Variants in ADCK1 observed in about 807,000 individuals in gnomAD.
The protein encoded by ADCK1 is aarF domain-containing protein kinase 1.
ADCK1 carries 41 observed loss-of-function variants against 52.3 expected under a neutral mutation model. The observed-to-expected ratio is 0.78, with a 90% CI of 0.61 to 1.02. The LOEUF is 1.02. Among genes scored for constraint, ADCK1 ranks in the 50% least tolerant of loss-of-function variants. The probability of loss-of-function intolerance (pLI) is 0.00; values close to 1 mark genes in which losing one functional copy is unlikely to be tolerated. For missense variants in ADCK1, 658 were observed against 679.5 expected (o/e 0.97, Z 0.35); for synonymous variants, 250 against 274.6 (o/e 0.91, Z 0.89).
intron 3 of ADCK1, among the ~76,000 whole-genome samples, chr14:77,855,450 G>C (rs2140128679): frequency 6.6e-6 from 1 of 152,338 alleles, no homozygotes; most frequent in Non-Finnish European, 1.5e-5. Context: ...TGTAGCCTGA[G>C]ACACTCTGAA....
intron 3 of ADCK1, among the ~76,000 whole-genome samples, chr14:77,834,628 T>G (rs910706086): frequency 6.6e-6 from 1 of 152,246 alleles, no homozygotes; most frequent in African/African-American, 2.4e-5. Context: ...TTTTTGGTGG[T>G]ATGAGCCCGT....
intron 3 of ADCK1, among the ~76,000 whole-genome samples, chr14:77,831,663 C>T (rs2081852653): frequency 6.6e-6 from 1 of 152,128 alleles, no homozygotes; most frequent in Non-Finnish European, 1.5e-5. Flanking sequence ...CGGCTCACTG[C>T]AGCCTCGACC....
Position 77,925,859 on chromosome 14 carries a change from G to C in ADCK1, c.1104G>C (p.Leu368=). The C allele has an allele frequency of 6.2e-7, 1 of 1,614,232 alleles. No individual in the cohort carries two copies. The highest frequency in any genetic ancestry group is 1.3e-5 in the African/African-American group (1 of 75,066). Residue 368 remains leucine, a synonymous_variant, in exon 9 of 11, where the codon CTG becomes CTC. Transcript: ENST00000238561. ...MKRVKEYSQR[L]GAGDLYPLFA... ...GAGTGAAGGAGTACAGCCAGCGACTGGGAGCCGGGGATCTCTACCCCTTGT... is the reference window on the plus strand; with the variant it reads ...GAGTGAAGGAGTACAGCCAGCGACTCGGAGCCGGGGATCTCTACCCCTTGT...
At chr14:77,888,532 G>A (rs2083211913) in intron 5 of ADCK1, among the ~76,000 whole-genome samples, 1 of 152,088 alleles carries the variant, frequency 6.6e-6, no homozygotes, top group East Asian at 1.9e-4. Flanking sequence ...TGGATTGGAA[G>A]GCAGAAAGAC....
intron 3 of ADCK1, among the ~76,000 whole-genome samples, chr14:77,828,217 G>C (rs2081761821): frequency 6.6e-6 from 1 of 152,100 alleles, no homozygotes; most frequent in Non-Finnish European, 1.5e-5. Flanking sequence ...ACCTGCCTTG[G>C]CTTCCCAGAG....
At chr14:77,828,743 TCACA>T (rs2081774461) in intron 3 of ADCK1, among the ~76,000 whole-genome samples, 1 of 152,124 alleles carries the variant, frequency 6.6e-6, no homozygotes, top group Admixed American at 6.5e-5. Context: ...GTTAGGCTGG[TCACA>T]AACTCCTGAC....
intron 4 of ADCK1, among the ~76,000 whole-genome samples, chr14:77,867,691 G>A (rs918159587): frequency 6.6e-6 from 1 of 152,166 alleles, no homozygotes; most frequent in Non-Finnish European, 1.5e-5. Context: ...CATCTGGCCC[G>A]ACCTTCTCCC....
intron 3 of ADCK1, among the ~76,000 whole-genome samples, chr14:77,835,833 G>A (rs186813680): frequency 2.2e-4 from 33 of 152,144 alleles, no homozygotes; most frequent in African/African-American, 3.4e-4. Flanking sequence ...ACAAGGTTTC[G>A]CCATGTTACC....
rs1235124067 is a variant in ADCK1, at chr14:77,923,519, C to T, written c.859-938C>T. 1 of 152,222 alleles carries T rather than the reference C, an allele frequency of 6.6e-6. No individual in the cohort carries two copies. Among genetic ancestry groups the T allele is most frequent in the Admixed American group, 6.5e-5 (1 of 15,278 alleles). The allele number at this position is 152,222 out of a possible 1,614,324, so 9.4% of individuals were successfully genotyped here. ...CAATCCTGTGTTCCCCACCCGTGGG[C>T]CCCAGCTCCTCTCCCCTCTGACCAG... is the stretch of plus-strand genomic sequence containing the variant. On this transcript the variant is annotated intron_variant, in intron 7 of 10. Coordinates refer to ENST00000238561, the MANE Select transcript of ADCK1 (RefSeq NM_020421.4). This position sits in a 1 kb window ranked among gnomAD's most constrained non-coding sequence, Gnocchi z 4.3.
rs571523714 is a variant in ADCK1 at position 77,857,451 on chromosome 14, A to G, written c.220-1625A>G. On this transcript the variant is annotated intron_variant, in intron 3 of 10. Coordinates refer to ENST00000238561, the MANE Select transcript of ADCK1 (RefSeq NM_020421.4). ...CTAAATATAGTCATTCTCCTCTGCT[A>G]TCAAACATTGAATTTATCCTTTCAA... 2.0e-5 allele frequency among the ~76,000 whole-genome samples: 3 copies of G among 152,316 alleles called. No individual in the cohort carries two copies. The South Asian group carries it at 6.2e-4, about 32-fold the overall frequency.
At chr14:77,927,823 G>A (rs555405638) in intron 9 of ADCK1, among the ~76,000 whole-genome samples, 5 of 152,336 alleles carry the variant, frequency 3.3e-5, no homozygotes, top group Admixed American at 2.0e-4. Context: ...ATGAGAAGAC[G>A]GAGGAGCCGT....
chr14:77,917,841 G>A (rs2083960794), intron 7 of ADCK1, among the ~76,000 whole-genome samples: 1 of 152,058 alleles, frequency 6.6e-6, no homozygotes, highest in African/African-American at 2.4e-5. Flanking sequence ...GCCGGCTTCT[G>A]GGGTTGGAGT....
At chr14:77,808,601 G>A (rs542106645) in intron 1 of ADCK1, among the ~76,000 whole-genome samples, 14 of 152,168 alleles carry the variant, frequency 9.2e-5, no homozygotes, top group Non-Finnish European at 1.8e-4. Flanking sequence ...TTGAGACAGG[G>A]TTTCGTTCTT....
intron 9 of ADCK1, among the ~76,000 whole-genome samples, chr14:77,928,056 A>G (rs1318246188): frequency 1.3e-5 from 2 of 152,192 alleles, no homozygotes; most frequent in African/African-American, 4.8e-5. Context: ...CTCAGGCTGC[A>G]CTGGTGGCAA....
chr14:77,820,565 C>G (rs760834098), intron 2 of ADCK1, among the ~76,000 whole-genome samples: 2 of 151,746 alleles, frequency 1.3e-5, no homozygotes, highest in African/African-American at 4.8e-5. Flanking sequence ...CTCCTGGGCT[C>G]AAGCAATCTG....
intron 4 of ADCK1, among the ~76,000 whole-genome samples, chr14:77,877,092 G>A (rs1276544906): frequency 6.6e-6 from 1 of 152,222 alleles, no homozygotes; most frequent in Non-Finnish European, 1.5e-5. Context: ...ATGCGCACCT[G>A]TAGTCCCAGC....
At chr14:77,921,441 A>C (rs76715292) in intron 7 of ADCK1, among the ~76,000 whole-genome samples, 13 of 151,874 alleles carry the variant, frequency 8.6e-5, no homozygotes, top group African/African-American at 2.9e-4. Context: ...CTATTTTGAC[A>C]TTGAATCTCA....
chr14:77,857,032 A>G (rs6574408), intron 3 of ADCK1, among the ~76,000 whole-genome samples: 130,892 of 152,108 alleles, frequency 0.86, 56,462 homozygotes, highest in Middle Eastern at 0.93. Flanking sequence ...AGGCCCCTGC[A>G]GGCCTAAGGA....
intron 4 of ADCK1, among the ~76,000 whole-genome samples, chr14:77,876,466 G>T (rs1031235380): frequency 6.6e-6 from 1 of 152,204 alleles, no homozygotes; most frequent in African/African-American, 2.4e-5. Flanking sequence ...TGCCTTTGGG[G>T]CACCTGCAAA....
Sources: gnomAD v4.1 joint callset for allele counts (sites outside exome capture counted in the v4.1 genomes callset) on GRCh38, gnomAD v4.1.1 for gene constraint, Gnocchi (gnomAD v3.1) non-coding constraint, MANE v1.5 for transcripts, NCBI Gene and HGNC (gene_info 2026-07-23, HGNC 2026-07-21) for gene names.